The following EME2 variants were observed in gnomAD, a reference collection of about 807,000 sequenced individuals.
The protein encoded by EME2 is structure-specific endonuclease subunit EME2.
A neutral mutation model predicts 41.9 loss-of-function variants in EME2; 58 were observed. The ratio of observed to expected loss-of-function variants is 1.38; its 90% confidence interval spans 1.12 to 1.72. EME2 has a LOEUF of 1.72. EME2 is among the 40% of genes most tolerant of loss of function. EME2 has a pLI of 0.00. For synonymous variants in EME2, 334 were observed against 239.3 expected, an observed-to-expected ratio of 1.40 and a Z score of -3.65; for missense variants, 695 against 541.9, an observed-to-expected ratio of 1.28 and a Z score of -2.81.
Position 1,777,289 on chromosome 16 carries a change from C to G in EME2, c.*1051C>G, listed in dbSNP as rs754154886. 10 of 1,610,204 alleles carry G rather than the reference C, an allele frequency of 6.2e-6. No homozygotes were observed. Among genetic ancestry groups the G allele is most frequent in the Non-Finnish European group, 6.8e-6 (8 of 1,179,810 alleles). On this transcript the variant is annotated 3_prime_UTR_variant, in exon 8 of 8. Coordinates refer to ENST00000568449, the MANE Select transcript of EME2 (RefSeq NM_001257370.2). ...GCGGCAGACCCTCCAGCGTGTCTCC[C>G]GAGTCTGGCCGCAGCTGGCGCAGGC... is the stretch of plus-strand genomic sequence containing the variant.
Position 1,774,293 on chromosome 16 carries a change from G to C in EME2, c.418G>C (p.Glu140Gln). 1 of 1,612,800 alleles carries C rather than the reference G, an allele frequency of 6.2e-7. No homozygotes were observed. Among genetic ancestry groups the C allele is most frequent in the Non-Finnish European group, 8.5e-7 (1 of 1,179,940 alleles). ...TGAAGTGTGGGCTGCAGGTGAACAG[G>C]AATTGCTGCTGCTGCTGGAGCCCGA... ...PPEVWAAGEQELLLLLEPEEF... is the reference protein window; with the variant it reads ...PPEVWAAGEQQLLLLLEPEEF... The change falls in exon 3 of 8, where the codon GAA becomes CAA. Residue 140 changes from glutamate to glutamine, a missense_variant. Coordinates refer to ENST00000568449, the MANE Select transcript of EME2 (RefSeq NM_001257370.2).
chr16:1,775,759 C>G, intron 6 of EME2, 38 bp from the exon 7 acceptor site: 4 of 1,612,378 alleles, frequency 2.5e-6, no homozygotes, highest in Non-Finnish European at 3.4e-6. Context: ...TTGGGAGCTG[C>G]TCACATGAGG....
Position 1,778,784 on chromosome 16 carries a change from G to T in EME2, c.*2546G>T. 4 of 653,344 alleles carry T rather than the reference G, an allele frequency of 6.1e-6. No homozygotes were observed. Among genetic ancestry groups the T allele is most frequent in the South Asian group, 2.7e-5 (1 of 37,288 alleles). 40.5% of individuals were successfully genotyped at this position (653,344 alleles called of 1,614,324 possible). A position where few individuals can be genotyped will look rare whatever the true frequency, so the allele number is the denominator to read the frequency against. ...CACAGCCCAGGCTCCCTCCCAACGG[G>T]CTCCGGCTCTGCCCCATTCTGCATG... On this transcript the variant is annotated 3_prime_UTR_variant, in exon 8 of 8. Coordinates refer to ENST00000568449, the MANE Select transcript of EME2 (RefSeq NM_001257370.2).
Position 1,773,354 on chromosome 16 carries a change from G to T in EME2, c.127G>T (p.Gly43Cys), listed in dbSNP as rs572288415. Residue 43 changes from glycine to cysteine, a missense_variant, in exon 1 of 8, where the codon GGC (glycine) becomes TGC (cysteine). Physicochemically the swap from Gly to Cys is radical, Grantham distance 159. Transcript: ENST00000568449. ...ISDSDAEDSA[G>C]SEAAARARDP... ...AGACTCCGACGCTGAGGACTCCGCC[G>T]GCTCGGAGGCCGCCGCGAGAGCCCG... is the stretch of plus-strand genomic sequence containing the variant. 2.6e-6 allele frequency: 4 copies of T among 1,520,216 alleles called. No individual in the cohort carries two copies. Among genetic ancestry groups the T allele is most frequent in the African/African-American group, 2.9e-5 (2 of 69,948 alleles). 94.2% of individuals were successfully genotyped at this position (1,520,216 alleles called of 1,614,324 possible). A position where few individuals can be genotyped will look rare whatever the true frequency, so the allele number is the denominator to read the frequency against.
Position 1,777,685 on chromosome 16 carries a change from C to T in EME2, c.*1447C>T, listed in dbSNP as rs958895025. On this transcript the variant is annotated 3_prime_UTR_variant, in exon 8 of 8. Coordinates refer to ENST00000568449, the MANE Select transcript of EME2 (RefSeq NM_001257370.2). Reference sequence around the variant, plus strand: ...AACCTCAGTGTCCCCTGGGCTGGGGCGGGGTGGCTGCCTCCCTCGGGGTGA... The same window carrying T: ...AACCTCAGTGTCCCCTGGGCTGGGGTGGGGTGGCTGCCTCCCTCGGGGTGA... 32 of 1,594,760 alleles carry T rather than the reference C, an allele frequency of 2.0e-5. No individual in the cohort carries two copies. The highest frequency in any genetic ancestry group is 9.4e-5 in the African/African-American group (7 of 74,630).
chr16:1,775,536 T>C, intron 5 of EME2, 33 bp from the exon 6 acceptor site: 1 of 1,608,410 alleles, frequency 6.2e-7, no homozygotes, highest in Non-Finnish European at 8.5e-7. Flanking sequence ...AGCCTTCCTC[T>C]GGCTCGTGCC....
rs769743931 is a variant in EME2 at position 1,773,232 on chromosome 16, C to T, written c.5C>T (p.Ala2Val). 18 of 1,444,602 alleles carry T rather than the reference C, an allele frequency of 1.2e-5. No homozygotes were observed. In the South Asian group the frequency reaches 2.2e-4, roughly 18 times the overall value. 89.5% of individuals were successfully genotyped at this position (1,444,602 alleles called of 1,614,324 possible). A position where few individuals can be genotyped will look rare whatever the true frequency, so the allele number is the denominator to read the frequency against. M[A>V]RVGPGRAGVS... Reference sequence around the variant, plus strand: ...GAGGAAGAGGTCGGTCCGGCCATGGCGCGGGTTGGACCCGGGAGGGCGGGG... The same window carrying T: ...GAGGAAGAGGTCGGTCCGGCCATGGTGCGGGTTGGACCCGGGAGGGCGGGG... Residue 2 changes from alanine (A) to valine (V), a missense_variant, in exon 1 of 8, where the codon GCG becomes GTG. Physicochemically the swap from Ala to Val is moderately conservative, Grantham distance 64. Transcript: ENST00000568449.
In EME2 at chr16:1,777,298, C is replaced by T. The variant is rs527899921; in HGVS notation, c.*1060C>T. On this transcript the variant is annotated 3_prime_UTR_variant, in exon 8 of 8. Transcript: ENST00000568449. ...CCTCCAGCGTGTCTCCCGAGTCTGG[C>T]CGCAGCTGGCGCAGGCGGTGGCAGC... is the stretch of plus-strand genomic sequence containing the variant. 4.3e-6 allele frequency: 7 copies of T among 1,610,162 alleles called. No individual in the cohort carries two copies. The African/African-American group carries it at 6.7e-5, about 15-fold the overall frequency.
chr16:1,773,601 G>A (rs1220156105), intron 1 of EME2, 104 bp from the exon 2 acceptor site: 14 of 1,529,050 alleles, frequency 9.2e-6, no homozygotes, highest in Non-Finnish European at 1.2e-5. Context: ...TCCCAGTCGG[G>A]GGTTTGTGCC....
intron 5 of EME2, 68 bp from the exon 6 acceptor site, chr16:1,775,501 C>T: frequency 1.3e-6 from 2 of 1,592,776 alleles, no homozygotes; most frequent in Non-Finnish European, 1.7e-6. Context: ...GTACATGGGG[C>T]AGCTATCAGC....
At position 1,777,784 on chromosome 16, in the gene EME2, G is replaced by A. The variant is rs778523436; in HGVS notation, c.*1546G>A. ...TGTTCTTGAAAAAGGTGAGTGTGCC[G>A]TGCCAGGTGTCCAGGTGCACGCCAA... is the stretch of plus-strand genomic sequence containing the variant. On this transcript the variant is annotated 3_prime_UTR_variant, in exon 8 of 8. Transcript: ENST00000568449. The A allele has an allele frequency of 4.4e-5, 71 of 1,612,686 alleles. No individual in the cohort carries two copies. In the Admixed American group the frequency reaches 8.0e-4, roughly 18 times the overall value.
chr16:1,777,505 C>G lies in EME2; in HGVS notation c.*1267C>G, dbSNP rs545994895. 6 of 1,430,476 alleles carry G rather than the reference C, an allele frequency of 4.2e-6. No homozygotes were observed. The African/African-American group carries it at 8.6e-5, about 20-fold the overall frequency. The allele number at this position is 1,430,476 out of a possible 1,614,324, so 88.6% of individuals were successfully genotyped here. A position where few individuals can be genotyped will look rare whatever the true frequency, so the allele number is the denominator to read the frequency against. ...GAAGGGGCCAGCTACTGGGCGCAGC[C>G]CCTCAGACCTCACGCTACAGTCACC... On this transcript the variant is annotated 3_prime_UTR_variant, in exon 8 of 8. Transcript: ENST00000568449.
At position 1,776,428 on chromosome 16, in the gene EME2, CTGGCTGGCAGA is replaced by C. The variant is rs937811712; in HGVS notation, c.*199_*209del. On this transcript the variant is annotated 3_prime_UTR_variant, in exon 8 of 8. Transcript: ENST00000568449. ...TAGGTAGCTGGGAGAAGAGGGGCTT[CTGGCTGGCAGA>C]TGGCTGGCGGTTCCTGTGCTGAGTC... is the stretch of plus-strand genomic sequence containing the variant. The C allele has an allele frequency of 8.6e-6, 5 of 583,110 alleles. No individual in the cohort carries two copies. Among genetic ancestry groups the C allele is most frequent in the Non-Finnish European group, 1.5e-5 (5 of 335,116 alleles). 36.1% of individuals were successfully genotyped at this position (583,110 alleles called of 1,614,324 possible).
In EME2 at chr16:1,778,277, G is replaced by A. The variant is rs1030425848; in HGVS notation, c.*2039G>A. ...ACCTTACGGTTGTCACAGCTCAGCA[G>A]GGTGGCTGATGACTTATTTAAGTCA... On this transcript the variant is annotated 3_prime_UTR_variant, in exon 8 of 8. Coordinates refer to ENST00000568449, the MANE Select transcript of EME2 (RefSeq NM_001257370.2). 5 of 1,612,668 alleles carry A rather than the reference G, an allele frequency of 3.1e-6. No individual in the cohort carries two copies. Among genetic ancestry groups the A allele is most frequent in the African/African-American group, 2.7e-5 (2 of 74,936 alleles).
intron 5 of EME2, 55 bp downstream of exon 5, chr16:1,775,463 C>T (rs2042696835): frequency 3.1e-6 from 5 of 1,599,332 alleles, no homozygotes; most frequent in Non-Finnish European, 4.3e-6. Flanking sequence ...AGTGATTGGG[C>T]TGCTGGCTGG....
intron 2 of EME2, among the ~76,000 whole-genome samples, chr16:1,774,043 C>T (rs2042672771): frequency 6.6e-6 from 1 of 152,262 alleles, no homozygotes; most frequent in South Asian, 2.1e-4. Context: ...AAGGTTCCGT[C>T]TCGATTCAGG....
Position 1,777,577 on chromosome 16 carries a change from G to A in EME2, c.*1339G>A, listed in dbSNP as rs2042733154. The stretch of plus-strand genomic sequence containing the variant: ...TGAGGCAAGGCAGGGTGCACGCGCT[G>A]GCCCTGCCACTCCAGCCTGGCCTCA... On this transcript the variant is annotated 3_prime_UTR_variant, in exon 8 of 8. Transcript: ENST00000568449. The A allele has an allele frequency of 7.4e-6, 10 of 1,345,478 alleles. No homozygotes were observed. The South Asian group carries it at 1.4e-4, about 19-fold the overall frequency. The allele number at this position is 1,345,478 out of a possible 1,614,324, so 83.3% of individuals were successfully genotyped here.
In EME2 at chr16:1,775,593, G is replaced by GCAAACCTGGA. The variant is rs2042698864; in HGVS notation, c.690_699dup (p.Val234LysfsTer79). ...GGCCCTGGTACTCCTGCAGCTCTGGGCAAACCTGGACGTGCTACTGGTGGC... is the reference window on the plus strand; with the variant it reads ...GGCCCTGGTACTCCTGCAGCTCTGGGCAAACCTGGACAAACCTGGACGTGCTACTGGTGGC... On this transcript the variant is annotated frameshift_variant, in exon 6 of 8. Transcript: ENST00000568449. LOFTEE classifies it high-confidence loss of function. The GCAAACCTGGA allele has an allele frequency of 6.2e-7, 1 of 1,612,790 alleles. No homozygotes were observed. The highest frequency in any genetic ancestry group is 1.1e-5 in the South Asian group (1 of 91,086).
rs572452172 is a variant in EME2, at chr16:1,773,645, G to A, written c.248-60G>A. The A allele has an allele frequency of 3.2e-6, 5 of 1,545,666 alleles. No individual in the cohort carries two copies. The African/African-American group carries it at 5.5e-5, about 17-fold the overall frequency. On this transcript the variant is annotated intron_variant, in intron 1 of 7. Transcript: ENST00000568449. ...ACTCCCCGGTCCGGCCACCCGCCCA[G>A]GTAGGGCGCTCGCGAGGGTGGAAGG... is the stretch of plus-strand genomic sequence containing the variant.
Sources: allele counts gnomAD v4.1 joint callset (sites outside exome capture counted in the v4.1 genomes callset), GRCh38; gene constraint gnomAD v4.1.1; transcripts MANE v1.5; gene names NCBI Gene and HGNC (gene_info 2026-07-23, HGNC 2026-07-21).